MEGF11: variants seen among roughly 807,000 people sequenced by gnomAD.
The protein encoded by MEGF11 is multiple epidermal growth factor-like domains protein 11.
MEGF11 carries 126 observed loss-of-function variants against 146.6 expected under a neutral mutation model. The ratio of observed to expected loss-of-function variants is 0.86; its 90% CI spans 0.74 to 1.00. MEGF11 has a LOEUF of 1.00. Ranked by LOEUF, MEGF11 falls within the 50% of genes least tolerant of loss-of-function variation. MEGF11 has a pLI of 0.00. For synonymous variants in MEGF11, 532 were observed against 583.4 expected, an observed-to-expected ratio of 0.91 and a Z score of 1.27; for missense variants, 1,509 against 1,521.2, an observed-to-expected ratio of 0.99 and a Z score of 0.13.
At chr15:65,927,285 G>T (rs2079404393) in intron 13 of MEGF11, among the ~76,000 whole-genome samples, 1 of 152,132 alleles carries the variant, frequency 6.6e-6, no homozygotes, top group South Asian at 2.1e-4. Context: ...TGGATGGAGA[G>T]TTCAGGCCCT....
chr15:66,021,973 G>C (rs753514240), intron 5 of MEGF11, among the ~76,000 whole-genome samples: 1 of 152,232 alleles, frequency 6.6e-6, no homozygotes, highest in Non-Finnish European at 1.5e-5. Context: ...CGGGCACAGG[G>C]AGGAACAAGC....
rs151230500 is a variant in MEGF11, at chr15:66,174,561, G to T, written c.-8-46150C>A. ...TTAGTGCTGTAAGTGATATAACTCTGCATTTTTCCAGGGAGAAGGAGAAGC... is the reference window on the plus strand; with the variant it reads ...TTAGTGCTGTAAGTGATATAACTCTTCATTTTTCCAGGGAGAAGGAGAAGC... On this transcript the variant is annotated intron_variant, in intron 1 of 25. Coordinates refer to ENST00000395614, the MANE Select transcript of MEGF11 (RefSeq NM_001385028.1). Among the ~76,000 whole-genome samples, 3 of 152,022 alleles carry T rather than the reference G, an allele frequency of 2.0e-5. No individual in the cohort carries two copies. In the East Asian group the frequency reaches 5.8e-4, roughly 29 times the overall value.
intron 5 of MEGF11, among the ~76,000 whole-genome samples, chr15:66,033,881 T>C (rs766409940): frequency 1.3e-4 from 20 of 152,256 alleles, no homozygotes; most frequent in Non-Finnish European, 2.8e-4. Flanking sequence ...AACTTCTGCC[T>C]CCTGGGTTCA....
chr15:66,210,493 G>A (rs1222586376), intron 1 of MEGF11, among the ~76,000 whole-genome samples: 1 of 152,166 alleles, frequency 6.6e-6, no homozygotes, highest in Non-Finnish European at 1.5e-5. Context: ...GAGCAGGGGT[G>A]GGAATCATCT....
At chr15:66,142,726 C>G (rs543285996) in intron 1 of MEGF11, among the ~76,000 whole-genome samples, 57 of 152,302 alleles carry the variant, frequency 3.7e-4, no homozygotes, top group African/African-American at 1.3e-3. Flanking sequence ...GGGTCTCTTG[C>G]CCCAGGTGTG....
chr15:66,121,799 T>C (rs2088038216), intron 3 of MEGF11, among the ~76,000 whole-genome samples: 1 of 152,226 alleles, frequency 6.6e-6, no homozygotes, highest in African/African-American at 2.4e-5. Flanking sequence ...TAGCTAATGC[T>C]AAAAATATTA....
chr15:66,081,281 C>T (rs2085843945), intron 5 of MEGF11, among the ~76,000 whole-genome samples: 1 of 152,220 alleles, frequency 6.6e-6, no homozygotes, highest in Admixed American at 6.5e-5. Context: ...GGGAGGTCAC[C>T]AGGGCCTCGG....
intron 10 of MEGF11, among the ~76,000 whole-genome samples, chr15:65,946,474 C>T (rs1007313326): frequency 6.6e-6 from 1 of 152,170 alleles, no homozygotes; most frequent in East Asian, 1.9e-4. Context: ...GGCGTGATCT[C>T]GGCTCACTGC....
chr15:66,053,400 C>T (rs1299121610), intron 5 of MEGF11, among the ~76,000 whole-genome samples: 1 of 152,170 alleles, frequency 6.6e-6, no homozygotes, highest in African/African-American at 2.4e-5. Context: ...ATTTCTCATG[C>T]TGTTAGTAAC....
At chr15:66,005,582 A>C (rs1438738271) in intron 5 of MEGF11, among the ~76,000 whole-genome samples, 1 of 152,214 alleles carries the variant, frequency 6.6e-6, no homozygotes, top group South Asian at 2.1e-4. Context: ...AAGTTTTAAG[A>C]AAAATGGTCC....
At chr15:66,249,315 C>G (rs771523028) in intron 1 of MEGF11, among the ~76,000 whole-genome samples, 1 of 152,092 alleles carries the variant, frequency 6.6e-6, no homozygotes, top group Non-Finnish European at 1.5e-5. Flanking sequence ...AGCAATCTCT[C>G]TTTCAGTCTT....
chr15:65,990,413 T>C (rs1170576088), intron 5 of MEGF11, among the ~76,000 whole-genome samples: 4 of 151,596 alleles, frequency 2.6e-5, no homozygotes, highest in Non-Finnish European at 5.9e-5. Flanking sequence ...TAGCTTGGTG[T>C]GGCGGCATGT....
At chr15:66,050,791 C>G (rs1409787927) in intron 5 of MEGF11, among the ~76,000 whole-genome samples, 1 of 152,202 alleles carries the variant, frequency 6.6e-6, no homozygotes, top group Admixed American at 6.5e-5. Context: ...CAGGGCCCAC[C>G]CTGACCATCA....
chr15:66,141,589 C>G (rs1355982145), intron 1 of MEGF11, among the ~76,000 whole-genome samples: 7 of 151,876 alleles, frequency 4.6e-5, no homozygotes, highest in Admixed American at 3.3e-4. Flanking sequence ...CTCAGTTCTC[C>G]CAAGGATGGT....
intron 1 of MEGF11, among the ~76,000 whole-genome samples, chr15:66,213,065 C>T (rs767006502): frequency 7.9e-5 from 12 of 152,164 alleles, no homozygotes; most frequent in Middle Eastern, 3.4e-3. Context: ...AAGGAGAGGC[C>T]GCAGGAGATG....
intron 5 of MEGF11, among the ~76,000 whole-genome samples, chr15:66,015,563 G>T (rs1200867058): frequency 6.6e-6 from 1 of 152,132 alleles, no homozygotes; most frequent in Admixed American, 6.5e-5. Context: ...TATCATGGGG[G>T]TAGGTGTAGT....
At chr15:66,209,213 G>T (rs961705118) in intron 1 of MEGF11, among the ~76,000 whole-genome samples, 8 of 152,112 alleles carry the variant, frequency 5.3e-5, no homozygotes, top group Non-Finnish European at 1.2e-4. Context: ...AGCCGGGCGT[G>T]GTGGCGGGCG....
intron 4 of MEGF11, among the ~76,000 whole-genome samples, chr15:66,118,003 C>T (rs1392766269): frequency 6.6e-6 from 1 of 152,188 alleles, no homozygotes; most frequent in Non-Finnish European, 1.5e-5. Flanking sequence ...CATCAACACA[C>T]CCACTCTGCC....
chr15:66,231,401 C>T (rs147290101), intron 1 of MEGF11, among the ~76,000 whole-genome samples: 5 of 151,594 alleles, frequency 3.3e-5, no homozygotes, highest in Admixed American at 2.6e-4. Context: ...TAGATAATGG[C>T]GGGGTCAGAA....
Sources: gnomAD v4.1 joint callset for allele counts (sites outside exome capture counted in the v4.1 genomes callset) on GRCh38, gnomAD v4.1.1 for gene constraint, MANE v1.5 for transcripts, NCBI Gene and HGNC (gene_info 2026-07-23, HGNC 2026-07-21) for gene names.